The following NTRK3 variants were observed in gnomAD, a reference collection of about 807,000 sequenced individuals.
The protein encoded by NTRK3 is NT-3 growth factor receptor.
A neutral mutation model predicts 91.7 loss-of-function variants in NTRK3; 24 were observed. That is an observed-to-expected ratio of 0.26 (90% CI 0.19 to 0.37). The LOEUF (loss-of-function observed/expected upper bound fraction) is 0.37, where lower values mean the gene tolerates loss of function less well. Among genes scored for constraint, NTRK3 ranks in the 10% least tolerant of loss-of-function variants. NTRK3 has a pLI of 1.00. For missense variants in NTRK3, 880 were observed against 1,068.9 expected (o/e 0.82, Z 2.46); for synonymous variants, 483 against 404.0 (o/e 1.20, Z -2.34).
intron 13 of NTRK3, 114 bp from the exon 14 acceptor site, chr15:88,033,159 T>C (rs1230378830): frequency 1.2e-5 from 7 of 585,902 alleles, no homozygotes; most frequent in African/African-American, 4.9e-5. Flanking sequence ...TTCTTTTTTT[T>C]ACTTTTGGGG....
At position 88,067,706 on chromosome 15, in the gene NTRK3, T is replaced by C. The variant is rs144843068; in HGVS notation, c.1397-34661A>G. 2.8e-3 allele frequency among the ~76,000 whole-genome samples: 426 copies of C among 152,332 alleles called. 2 individuals are homozygous for C. The highest frequency in any genetic ancestry group is 9.7e-3 in the African/African-American group (405 of 41,576). ...AAGGTGGGGAGAAAAGAGGCCAAAGTTGGTAGAATCTAAATGCACATTCTG... is the reference window on the plus strand; with the variant it reads ...AAGGTGGGGAGAAAAGAGGCCAAAGCTGGTAGAATCTAAATGCACATTCTG... On this transcript the variant is annotated intron_variant, in intron 13 of 18. Transcript: ENST00000394480.
At chr15:88,256,406 G>A (rs2054061650) in exon 2 of NTRK3, 2 of 564,544 alleles carry the variant, frequency 3.5e-6, no homozygotes, top group African/African-American at 2.0e-5. Flanking sequence ...GCGGTCTGCC[G>A]GGCATGGTGG....
At chr15:87,897,417 T>A (rs1248306713) in intron 17 of NTRK3, among the ~76,000 whole-genome samples, 1 of 152,204 alleles carries the variant, frequency 6.6e-6, no homozygotes, top group East Asian at 1.9e-4. Context: ...GAAAAATAAT[T>A]TGGCCCTTAT....
In NTRK3 at chr15:87,941,060, T is replaced by C. The variant is rs2069790876; in HGVS notation, c.1586-307A>G. ...TTCTGGTATTCATTAGCCAGAGTTG[T>C]TGGAGATAGCACAAAGCAGTCTCCA... On this transcript the variant is annotated intron_variant, in intron 14 of 18. Coordinates refer to ENST00000394480, the Ensembl canonical transcript of NTRK3. Among the ~76,000 whole-genome samples, 6 of 152,200 alleles carry C rather than the reference T, an allele frequency of 3.9e-5. No homozygotes were observed. In the South Asian group the frequency reaches 1.2e-3, roughly 32 times the overall value.
chr15:88,074,484 G>T (rs566725740), intron 13 of NTRK3, among the ~76,000 whole-genome samples: 1 of 152,204 alleles, frequency 6.6e-6, no homozygotes, highest in Non-Finnish European at 1.5e-5. Context: ...TAGACCACTG[G>T]TGAGTCCCTG....
exon 19 of NTRK3, chr15:87,862,052 C>T (rs528942682): frequency 4.7e-5 from 10 of 213,398 alleles, no homozygotes; most frequent in African/African-American, 2.0e-4. Context: ...TGGGAAGGTT[C>T]CTGGATTAAA....
chr15:88,186,163 T>C (rs1300077048), intron 3 of NTRK3, among the ~76,000 whole-genome samples: 2 of 152,234 alleles, frequency 1.3e-5, no homozygotes, highest in Non-Finnish European at 2.9e-5. Context: ...ACCATGATTG[T>C]ACAGAATACT....
Position 87,948,993 on chromosome 15 carries a change from C to T in NTRK3, c.1586-8240G>A, listed in dbSNP as rs142638196. Among the ~76,000 whole-genome samples the T allele has an allele frequency of 6.9e-3, 1,052 of 152,278 alleles. 5 individuals are homozygous for T. Among genetic ancestry groups the T allele is most frequent in the Non-Finnish European group, 0.011 (728 of 68,026 alleles). On this transcript the variant is annotated intron_variant, in intron 14 of 18. Coordinates refer to ENST00000394480, the Ensembl canonical transcript of NTRK3. The stretch of plus-strand genomic sequence containing the variant: ...TTGCACAAGTCAAAAGGCCAAAAGT[C>T]AAAAGGCATGTGTTGCTCAAGTTCG...
chr15:88,169,412 G>A, intron 5 of NTRK3, among the ~76,000 whole-genome samples: 1 of 152,166 alleles, frequency 6.6e-6, no homozygotes. Flanking sequence ...GGGCCCTTGT[G>A]GAGGAAGCAC....
At chr15:87,980,436 T>C (rs1272158607) in intron 14 of NTRK3, among the ~76,000 whole-genome samples, 1 of 152,182 alleles carries the variant, frequency 6.6e-6, no homozygotes, top group African/African-American at 2.4e-5. Flanking sequence ...TGTATGTTTG[T>C]GTTTGCATGT....
At chr15:87,986,605 A>T (rs901369219) in intron 14 of NTRK3, among the ~76,000 whole-genome samples, 1 of 152,272 alleles carries the variant, frequency 6.6e-6, no homozygotes, top group Non-Finnish European at 1.5e-5. Context: ...ATGTTGATAC[A>T]TGTAGCTCCC....
chr15:88,204,630 C>T (rs1035829794), intron 3 of NTRK3, among the ~76,000 whole-genome samples: 6 of 152,096 alleles, frequency 3.9e-5, no homozygotes, highest in Non-Finnish European at 8.8e-5. Flanking sequence ...TTGCACCCTG[C>T]TTGCACCCTA....
At chr15:87,954,507 G>A (rs2071473464) in intron 14 of NTRK3, among the ~76,000 whole-genome samples, 1 of 152,140 alleles carries the variant, frequency 6.6e-6, no homozygotes. Flanking sequence ...ATTACTCCAG[G>A]TCATGACTTA....
intron 13 of NTRK3, among the ~76,000 whole-genome samples, chr15:88,116,349 C>T (rs2052066262): frequency 6.6e-6 from 1 of 151,934 alleles, no homozygotes. Context: ...CTTTGGGAGG[C>T]CCAGATGGGT....
Position 88,255,324 on chromosome 15 carries a change from G to T in NTRK3, c.248+582C>A, listed in dbSNP as rs888768957. 3.9e-5 allele frequency among the ~76,000 whole-genome samples: 6 copies of T among 152,114 alleles called. No individual in the cohort carries two copies. The highest frequency in any genetic ancestry group is 1.3e-4 in the Admixed American group (2 of 15,288). On this transcript the variant is annotated intron_variant, in intron 3 of 18. Coordinates refer to ENST00000394480, the Ensembl canonical transcript of NTRK3. This position sits in a 1 kb window ranked among gnomAD's most constrained non-coding sequence, Gnocchi z 4.3. ...AAGGGAAGAGGTAGGCGTCCATGAC[G>T]GCCTCCACACGTCCAAAGTCTCCCC...
rs115537584 is a variant in NTRK3 at position 87,978,720 on chromosome 15, G to A, written c.1586-37967C>T. On this transcript the variant is annotated intron_variant, in intron 14 of 18. Transcript: ENST00000394480. ...CCCAAAAAAGGATGATTTTTCCACC[G>A]AAAATAAAAATAAAAATGTAAAGTG... 7.1e-3 allele frequency: 1,649 copies of A among 233,326 alleles called. 40 individuals carry two copies. The highest frequency in any genetic ancestry group is 0.032 in the African/African-American group (1,452 of 45,384). The allele number at this position is 233,326 out of a possible 1,614,324, so 14.5% of individuals were successfully genotyped here. A position where few individuals can be genotyped will look rare whatever the true frequency, so the allele number is the denominator to read the frequency against.
At chr15:88,190,973 T>C (rs1018170764) in intron 3 of NTRK3, among the ~76,000 whole-genome samples, 7 of 152,254 alleles carry the variant, frequency 4.6e-5, no homozygotes, top group Admixed American at 2.6e-4. Context: ...TGCATACAGA[T>C]AGGCAGATAT....
intron 5 of NTRK3, among the ~76,000 whole-genome samples, chr15:88,176,809 A>G (rs2046040544): frequency 6.6e-6 from 1 of 152,234 alleles, no homozygotes; most frequent in Non-Finnish European, 1.5e-5. Context: ...GAGATAGAGT[A>G]TCAACTCTTA....
chr15:88,115,537 A>G (rs2051950615), intron 13 of NTRK3, among the ~76,000 whole-genome samples: 1 of 152,216 alleles, frequency 6.6e-6, no homozygotes, highest in Non-Finnish European at 1.5e-5. Context: ...AGATAGACAG[A>G]TGCTGGCATT....
Sources: allele counts gnomAD v4.1 joint callset (sites outside exome capture counted in the v4.1 genomes callset), GRCh38; gene constraint gnomAD v4.1.1; non-coding constraint Gnocchi (gnomAD v3.1); transcripts MANE v1.5; gene names NCBI Gene and HGNC (gene_info 2026-07-23, HGNC 2026-07-21).